The following A2ML1 variants were observed in gnomAD, a reference collection of about 807,000 sequenced individuals.
A2ML1 encodes alpha-2-macroglobulin-like protein 1.
A neutral mutation model predicts 181.9 loss-of-function variants in A2ML1; 161 were observed. The ratio of observed to expected loss-of-function variants is 0.89; its 90% CI spans 0.78 to 1.01. A2ML1 has a LOEUF of 1.01. Among genes scored for constraint, A2ML1 ranks in the 50% least tolerant of loss-of-function variants. A2ML1 has a pLI of 0.00. For missense variants in A2ML1, 1,670 were observed against 1,768.1 expected (o/e 0.94, Z 1.00); for synonymous variants, 663 against 666.8 (o/e 0.99, Z 0.09).
intron 9 of A2ML1, among the ~76,000 whole-genome samples, chr12:8,838,806 CG>C (rs1308306101): frequency 6.7e-6 from 1 of 149,856 alleles, no homozygotes; most frequent in Non-Finnish European, 1.5e-5. Context: ...CCCAGCTACT[CG>C]GGGAGGCTGA....
chr12:8,822,745 G>A (rs764941053), intron 1 of A2ML1, 32 bp downstream of exon 1: 2 of 1,607,100 alleles, frequency 1.2e-6, no homozygotes, highest in South Asian at 1.1e-5. Flanking sequence ...TGGTTTATTA[G>A]GGCAGCGGCT....
intron 33 of A2ML1, among the ~76,000 whole-genome samples, chr12:8,872,793 A>AAAAAAG (rs566628662): frequency 1.3e-5 from 2 of 150,382 alleles, no homozygotes; most frequent in Non-Finnish European, 2.9e-5. Flanking sequence ...CAAAAAAAAA[A>AAAAAAG]AAAAAGAAAA....
Position 8,847,690 on chromosome 12 carries a change from A to C in A2ML1, c.1825A>C (p.Asn609His), listed in dbSNP as rs1410458614. ...GCTTAGGCCAGACAGAGAGCTGAGC[A>C]ACCGCTCTGTGAGTAACTGTCTGCT... ...LLLRPDRELS[N>H]RSVYGMFPFW... The change falls in exon 15 of 36, where the codon AAC (asparagine) becomes CAC (histidine). Residue 609 changes from asparagine (N) to histidine (H), a missense_variant. Physicochemically the swap from Asn to His is moderately conservative, Grantham distance 68. Coordinates refer to ENST00000299698, the MANE Select transcript of A2ML1 (RefSeq NM_144670.6). The C allele has an allele frequency of 2.5e-6, 4 of 1,611,336 alleles. No individual in the cohort carries two copies. Among genetic ancestry groups the C allele is most frequent in the Non-Finnish European group, 3.4e-6 (4 of 1,178,938 alleles).
chr12:8,832,723 G>C (rs1296527672), intron 4 of A2ML1, among the ~76,000 whole-genome samples: 1 of 152,190 alleles, frequency 6.6e-6, no homozygotes, highest in Non-Finnish European at 1.5e-5. Flanking sequence ...CCTGCTGAGA[G>C]GGGGCGTAGT....
intron 11 of A2ML1, among the ~76,000 whole-genome samples, chr12:8,842,164 T>G (rs1401474317): frequency 6.6e-6 from 1 of 152,148 alleles, no homozygotes; most frequent in East Asian, 1.9e-4. Flanking sequence ...GAGGTGCAAG[T>G]GCAAAAGCTG....
chr12:8,862,617 G>C (rs781265096), intron 28 of A2ML1, among the ~76,000 whole-genome samples: 3 of 152,222 alleles, frequency 2.0e-5, no homozygotes, highest in African/African-American at 7.2e-5. Context: ...CCAGGCAGAA[G>C]TGCAGTCTCA....
chr12:8,830,232 A>ACATCAT (rs1317032902), intron 4 of A2ML1, among the ~76,000 whole-genome samples: 10 of 152,036 alleles, frequency 6.6e-5, no homozygotes, highest in Non-Finnish European at 1.5e-4. Context: ...TTGTATTTTT[A>ACATCAT]GTAAAAACAG....
chr12:8,872,832 C>CAA (rs1255200319), intron 33 of A2ML1, among the ~76,000 whole-genome samples: 1 of 149,292 alleles, frequency 6.7e-6, no homozygotes, highest in Non-Finnish European at 1.5e-5. Flanking sequence ...TTTTCCAAAA[C>CAA]AAAAAAATAA....
In A2ML1 at chr12:8,869,315, T is replaced by C. The variant is rs889239818; in HGVS notation, c.4221+112T>C. The C allele has an allele frequency of 2.8e-6, 3 of 1,057,440 alleles. No individual in the cohort carries two copies. The Admixed American group carries it at 5.5e-5, about 19-fold the overall frequency. 65.5% of individuals were successfully genotyped at this position (1,057,440 alleles called of 1,614,324 possible). ...CACATGGGGATGAGGGGCCTGGGAG[T>C]GAGTCCACACCATGCCATGAGTTCT... is the stretch of plus-strand genomic sequence containing the variant. On this transcript the variant is annotated intron_variant, in intron 33 of 35. Transcript: ENST00000299698.
chr12:8,838,251 T>C, intron 8 of A2ML1, 85 bp from the exon 9 acceptor site: 1 of 917,612 alleles, frequency 1.1e-6, no homozygotes, highest in Non-Finnish European at 1.7e-6. Flanking sequence ...TGAGAAATTA[T>C]TTCCTTCTAC....
chr12:8,831,840 C>T lies in A2ML1; in HGVS notation c.462+2061C>T, dbSNP rs568677315. On this transcript the variant is annotated intron_variant, in intron 4 of 35. Transcript: ENST00000299698. ...TCTCGGCTCGCCGCAACCTCTGCCT[C>T]CCAGGTTCAAGTGATTCTCCTGCCT... is the stretch of plus-strand genomic sequence containing the variant. Among the ~76,000 whole-genome samples, 895 of 152,180 alleles carry T rather than the reference C, an allele frequency of 5.9e-3. 2 individuals are homozygous for T. Among genetic ancestry groups the T allele is most frequent in the Non-Finnish European group, 9.4e-3 (640 of 68,010 alleles).
At chr12:8,829,846 G>A (rs1168029009) in intron 4 of A2ML1, 67 bp downstream of exon 4, 16 of 1,597,580 alleles carry the variant, frequency 1.0e-5, no homozygotes, top group Non-Finnish European at 1.2e-5. Flanking sequence ...ATTCTCTAGG[G>A]TGGAAGTCCT....
intron 4 of A2ML1, among the ~76,000 whole-genome samples, chr12:8,830,005 A>G (rs1943059607): frequency 6.6e-6 from 1 of 152,150 alleles, no homozygotes; most frequent in Admixed American, 6.5e-5. Flanking sequence ...GTATCTACAC[A>G]TTCATCAGGT....
At chr12:8,832,409 T>G (rs953255792) in intron 4 of A2ML1, among the ~76,000 whole-genome samples, 6 of 152,218 alleles carry the variant, frequency 3.9e-5, no homozygotes, top group African/African-American at 1.4e-4. Flanking sequence ...AAAGGCAGAC[T>G]GGTCCCCGGG....
chr12:8,862,714 C>G (rs1258532288), intron 28 of A2ML1, among the ~76,000 whole-genome samples: 1 of 92,272 alleles, frequency 1.1e-5, no homozygotes, highest in Non-Finnish European at 2.6e-5. Context: ...CAACTCCAGT[C>G]ATGAAATGTG....
rs1460363508 is a variant in A2ML1 at position 8,841,390 on chromosome 12, G to A, written c.1102G>A (p.Asp368Asn). The change falls in exon 11 of 36, where the codon GAC becomes AAC. Residue 368 changes from aspartate (D) to asparagine (N), a missense_variant. Physicochemically the swap from Asp to Asn is conservative, Grantham distance 23. Coordinates refer to ENST00000299698, the MANE Select transcript of A2ML1 (RefSeq NM_144670.6). ...TCAGATAAGAGTTAGGGGCCATGAT[G>A]ACTCCTTCCTCAAGAACCATCTAGT... ...SGKIRVRGHD[D>N]SFLKNHLVFL... is the part of the protein sequence containing the mutation. The A allele has an allele frequency of 6.2e-7, 1 of 1,614,060 alleles. No homozygotes were observed. Among genetic ancestry groups the A allele is most frequent in the Admixed American group, 1.7e-5 (1 of 60,000 alleles).
chr12:8,870,546 C>A (rs963853664), intron 33 of A2ML1, among the ~76,000 whole-genome samples: 1 of 152,174 alleles, frequency 6.6e-6, no homozygotes, highest in Non-Finnish European at 1.5e-5. Context: ...GGATTACAGG[C>A]GTAAGCCACC....
chr12:8,838,538 T>C, intron 9 of A2ML1, 88 bp downstream of exon 9: 1 of 946,248 alleles, frequency 1.1e-6, no homozygotes, highest in East Asian at 2.6e-5. Flanking sequence ...ATACAAGACC[T>C]ACCCTCTTGA....
chr12:8,832,001 C>T (rs759574563), intron 4 of A2ML1, among the ~76,000 whole-genome samples: 20 of 152,276 alleles, frequency 1.3e-4, no homozygotes, highest in Admixed American at 6.5e-4. Context: ...CCGCCCGCCT[C>T]GGCCTCCCAA....
Sources: allele counts gnomAD v4.1 joint callset (sites outside exome capture counted in the v4.1 genomes callset), GRCh38; gene constraint gnomAD v4.1.1; transcripts MANE v1.5; gene names NCBI Gene and HGNC (gene_info 2026-07-23, HGNC 2026-07-21).